MAGI1: variants seen among roughly 807,000 people sequenced by gnomAD.
MAGI1 encodes membrane-associated guanylate kinase, WW and PDZ domain-containing protein 1.
MAGI1 carries 58 observed loss-of-function variants against 139.9 expected under a neutral mutation model. The ratio of observed to expected loss-of-function variants is 0.41; its 90% CI spans 0.34 to 0.52. MAGI1 has a LOEUF of 0.52. Ranked by LOEUF, MAGI1 falls within the 20% of genes least tolerant of loss-of-function variation. The pLI is 0.12. For missense variants in MAGI1, 1,874 were observed against 1,901.6 expected (o/e 0.99, Z 0.27); for synonymous variants, 812 against 737.9 (o/e 1.10, Z -1.63).
chr3:65,491,453 C>T (rs1952025723), intron 3 of MAGI1, among the ~76,000 whole-genome samples: 1 of 152,254 alleles, frequency 6.6e-6, no homozygotes, highest in African/African-American at 2.4e-5. Flanking sequence ...TCCTTTCCGA[C>T]CCAATCCTCT....
intron 1 of MAGI1, among the ~76,000 whole-genome samples, chr3:65,799,557 AT>A (rs1047347897): frequency 6.6e-6 from 1 of 152,208 alleles, no homozygotes; most frequent in African/African-American, 2.4e-5. Flanking sequence ...TGCCTAGTTT[AT>A]AAATTAAATT....
intron 2 of MAGI1, among the ~76,000 whole-genome samples, chr3:65,595,987 T>C (rs1014535334): frequency 6.6e-6 from 1 of 152,164 alleles, no homozygotes; most frequent in East Asian, 1.9e-4. Context: ...GTTGATACCA[T>C]TAAACTGCTA....
rs948290481 is a variant in MAGI1, at chr3:65,360,494, A to C, written c.3634+705T>G. On this transcript the variant is annotated intron_variant, in intron 22 of 22. Transcript: ENST00000402939. ...TCAAATCAAGTCTAAAGATATGACA[A>C]AGGAACTCTATGTATAACCTGGCTT... 3.0e-6 allele frequency: 3 copies of C among 985,292 alleles called. No homozygotes were observed. The African/African-American group carries it at 5.2e-5, about 17-fold the overall frequency. 61.0% of individuals were successfully genotyped at this position (985,292 alleles called of 1,614,324 possible). A position where few individuals can be genotyped will look rare whatever the true frequency, so the allele number is the denominator to read the frequency against.
rs537261407 is a variant in MAGI1, at chr3:65,567,619, T to A, written c.430+54353A>T. 2.0e-5 allele frequency among the ~76,000 whole-genome samples: 3 copies of A among 152,192 alleles called. No homozygotes were observed. In the East Asian group the frequency reaches 5.8e-4, roughly 29 times the overall value. The stretch of plus-strand genomic sequence containing the variant: ...TGGGAAGCTGAGGCTGGTGGATCAC[T>A]TGAGGTCAGGAGTTCAAGACCAGCC... On this transcript the variant is annotated intron_variant, in intron 2 of 22. Coordinates refer to ENST00000402939, the MANE Select transcript of MAGI1 (RefSeq NM_001033057.2).
intron 1 of MAGI1, among the ~76,000 whole-genome samples, chr3:65,748,065 G>A (rs924195200): frequency 3.3e-5 from 5 of 152,156 alleles, no homozygotes; most frequent in South Asian, 2.1e-4. Context: ...TCCTCTCTCC[G>A]AAACTGATGA....
chr3:65,367,710 G>A (rs1313179196), intron 18 of MAGI1, among the ~76,000 whole-genome samples: 2 of 152,182 alleles, frequency 1.3e-5, no homozygotes, highest in African/African-American at 2.4e-5. Flanking sequence ...CAGGCAGCAG[G>A]TGGAGATACT....
intron 1 of MAGI1, among the ~76,000 whole-genome samples, chr3:65,784,641 C>A (rs1316985400): frequency 6.6e-6 from 1 of 151,852 alleles, no homozygotes; most frequent in African/African-American, 2.4e-5. Flanking sequence ...GAAGGCGGAG[C>A]TTGCAGTGAG....
chr3:65,517,432 A>T (rs1007930678), intron 2 of MAGI1, among the ~76,000 whole-genome samples: 1 of 152,076 alleles, frequency 6.6e-6, no homozygotes, highest in Non-Finnish European at 1.5e-5. Flanking sequence ...TGGTTATTAA[A>T]CTAGTGGCTT....
At chr3:65,589,101 A>C (rs763991191) in intron 2 of MAGI1, among the ~76,000 whole-genome samples, 4 of 152,202 alleles carry the variant, frequency 2.6e-5, no homozygotes, top group Non-Finnish European at 4.4e-5. Context: ...TACAGTATGC[A>C]TGGACGGCTT....
chr3:65,527,781 G>A (rs111353958), intron 2 of MAGI1, among the ~76,000 whole-genome samples: 3,187 of 151,930 alleles, frequency 0.021, 116 homozygotes, highest in African/African-American at 0.073. Flanking sequence ...CAGGAGTGGT[G>A]GTGCATGCCT....
At chr3:65,574,377 C>A (rs977105002) in intron 2 of MAGI1, among the ~76,000 whole-genome samples, 1 of 142,956 alleles carries the variant, frequency 7.0e-6, no homozygotes, top group African/African-American at 2.6e-5. Context: ...GCATTTATGA[C>A]AGCAACAAAA....
At chr3:65,554,846 T>C (rs547406341) in intron 2 of MAGI1, among the ~76,000 whole-genome samples, 1 of 152,210 alleles carries the variant, frequency 6.6e-6, no homozygotes, top group Non-Finnish European at 1.5e-5. Context: ...ACTAAGGAAC[T>C]GTCTCCATTG....
chr3:65,869,724 TC>T lies in MAGI1; in HGVS notation c.313+168271del, dbSNP rs796880697. On this transcript the variant is annotated intron_variant, in intron 1 of 22. Transcript: ENST00000402939. ...CAAGACTGTTTTTTAACTGATGTAT[TC>T]CAAGGGCCTACAACAGAGCATGGCA... Among the ~76,000 whole-genome samples the T allele has an allele frequency of 6.0e-4, 91 of 152,156 alleles. 1 individual carries two copies. The highest frequency in any genetic ancestry group is 2.1e-3 in the African/African-American group (87 of 41,514).
At chr3:65,797,341 A>G (rs1220557690) in intron 1 of MAGI1, among the ~76,000 whole-genome samples, 1 of 152,224 alleles carries the variant, frequency 6.6e-6, no homozygotes, top group African/African-American at 2.4e-5. Flanking sequence ...ATGACTCACT[A>G]CATTATTCTA....
intron 1 of MAGI1, among the ~76,000 whole-genome samples, chr3:65,958,654 C>T (rs943478780): frequency 1.3e-5 from 2 of 152,084 alleles, no homozygotes; most frequent in East Asian, 1.9e-4. Flanking sequence ...GCCCATATAT[C>T]GGAGGTTTAA....
intron 1 of MAGI1, among the ~76,000 whole-genome samples, chr3:65,808,960 G>C (rs1321419902): frequency 6.6e-6 from 1 of 152,148 alleles, no homozygotes; most frequent in Non-Finnish European, 1.5e-5. Context: ...AGGAAATAAG[G>C]GGAGATTTAC....
At chr3:65,745,501 A>G (rs753771292) in intron 1 of MAGI1, among the ~76,000 whole-genome samples, 8 of 152,238 alleles carry the variant, frequency 5.3e-5, no homozygotes, top group Non-Finnish European at 7.3e-5. Flanking sequence ...CATATTTTGC[A>G]TGAATTGGCA....
chr3:65,707,087 GA>G, intron 1 of MAGI1, among the ~76,000 whole-genome samples: 1 of 152,272 alleles, frequency 6.6e-6, no homozygotes. Flanking sequence ...GATCAAACAC[GA>G]ATGTGTTTGC....
chr3:65,733,505 C>T (rs938303735), intron 1 of MAGI1, among the ~76,000 whole-genome samples: 11 of 152,206 alleles, frequency 7.2e-5, no homozygotes, highest in African/African-American at 2.7e-4. Context: ...GCAGACATTT[C>T]TGCTCTAAGA....
Sources: gnomAD v4.1 joint callset for allele counts (sites outside exome capture counted in the v4.1 genomes callset) on GRCh38, gnomAD v4.1.1 for gene constraint, MANE v1.5 for transcripts, NCBI Gene and HGNC (gene_info 2026-07-23, HGNC 2026-07-21) for gene names.